The following ERC2 variants were observed in gnomAD, a reference collection of about 807,000 sequenced individuals.
ERC2 encodes the protein ERC protein 2.
In ERC2, 42 loss-of-function variants were observed where a neutral mutation model predicts 114.8. The ratio of observed to expected loss-of-function variants is 0.37; its 90% CI spans 0.29 to 0.47. The LOEUF (loss-of-function observed/expected upper bound fraction) is 0.47, where lower values mean the gene tolerates loss of function less well. Among genes scored for constraint, ERC2 ranks in the 20% least tolerant of loss-of-function variants. The pLI is 0.99. For synonymous variants in ERC2, 454 were observed against 425.5 expected (o/e 1.07, Z -0.82); for missense variants, 939 against 1,150.7 (o/e 0.82, Z 2.66).
intron 12 of ERC2, among the ~76,000 whole-genome samples, chr3:55,952,177 ACACTCT>A (rs1467287155): frequency 0.011 from 416 of 38,666 alleles, 11 homozygotes; most frequent in Non-Finnish European, 0.018. Context: ...ACACACACAC[ACACTCT>A]CTCTCTCTCT....
At chr3:55,541,433 G>T (rs572285083) in intron 17 of ERC2, among the ~76,000 whole-genome samples, 7 of 152,170 alleles carry the variant, frequency 4.6e-5, no homozygotes, top group African/African-American at 7.2e-5. Context: ...TTTAGACCCC[G>T]TAGCCTACAT....
intron 12 of ERC2, among the ~76,000 whole-genome samples, chr3:55,973,313 TTCTA>T (rs1219453667): frequency 1.3e-5 from 2 of 152,296 alleles, no homozygotes; most frequent in East Asian, 3.9e-4. Flanking sequence ...ACTTAGAGTT[TTCTA>T]TCTTAGATAA....
At chr3:55,591,339 C>T (rs2057870146) in intron 17 of ERC2, among the ~76,000 whole-genome samples, 1 of 151,906 alleles carries the variant, frequency 6.6e-6, no homozygotes, top group Non-Finnish European at 1.5e-5. Context: ...TTTGTGGGAC[C>T]CAGCACTGTG....
chr3:56,463,933 A>G (rs55783589), intron 1 of ERC2, among the ~76,000 whole-genome samples: 52,116 of 152,122 alleles, frequency 0.34, 9,133 homozygotes, highest in Middle Eastern at 0.43. Flanking sequence ...CTTGGAACAC[A>G]GTAGGTTCTA....
intron 15 of ERC2, among the ~76,000 whole-genome samples, chr3:55,723,711 T>A (rs2064729131): frequency 6.6e-6 from 1 of 152,204 alleles, no homozygotes; most frequent in African/African-American, 2.4e-5. Flanking sequence ...ATCCTGATAC[T>A]ATTATTTGAA....
At chr3:55,776,109 T>C (rs1052045033) in intron 14 of ERC2, among the ~76,000 whole-genome samples, 20 of 152,194 alleles carry the variant, frequency 1.3e-4, no homozygotes, top group Admixed American at 2.0e-4. Flanking sequence ...CACATACTTT[T>C]TTTTTTCTTT....
chr3:55,609,474 G>A (rs1196746446), intron 17 of ERC2, among the ~76,000 whole-genome samples: 2 of 152,282 alleles, frequency 1.3e-5, no homozygotes, highest in African/African-American at 4.8e-5. Flanking sequence ...TGGAAGTTAA[G>A]CAGCCATCAT....
In ERC2 at chr3:56,463,937, G is replaced by A. The variant is rs576493658; in HGVS notation, c.-141+4311C>T. 1.4e-3 allele frequency among the ~76,000 whole-genome samples: 212 copies of A among 152,182 alleles called. 3 individuals carry two copies. Among genetic ancestry groups the A allele is most frequent in the Non-Finnish European group, 2.3e-3 (159 of 68,030 alleles). Reference sequence around the variant, plus strand: ...GAACATTGTCTCTTGGAACACAGTAGGTTCTAATAAATAGTGCCTTAATAA... The same window carrying A: ...GAACATTGTCTCTTGGAACACAGTAAGTTCTAATAAATAGTGCCTTAATAA... On this transcript the variant is annotated intron_variant, in intron 1 of 17. Transcript: ENST00000288221.
At chr3:55,584,174 T>C (rs2057472802) in intron 17 of ERC2, among the ~76,000 whole-genome samples, 2 of 152,284 alleles carry the variant, frequency 1.3e-5, no homozygotes, top group South Asian at 4.1e-4. Context: ...GGGAAGCCTA[T>C]TGGTGAAGAG....
At chr3:56,036,294 G>A (rs1009814134) in intron 7 of ERC2, among the ~76,000 whole-genome samples, 1 of 152,134 alleles carries the variant, frequency 6.6e-6, no homozygotes, top group Admixed American at 6.5e-5. Flanking sequence ...TAAGATCAGG[G>A]ACACGACAAG....
At chr3:55,843,228 G>A (rs1241832143) in intron 14 of ERC2, among the ~76,000 whole-genome samples, 4 of 152,140 alleles carry the variant, frequency 2.6e-5, no homozygotes, top group Non-Finnish European at 5.9e-5. Flanking sequence ...CTCATGGTTG[G>A]AGCACAGACT....
chr3:55,868,496 CA>C (rs1168516807), intron 14 of ERC2, among the ~76,000 whole-genome samples: 1 of 152,206 alleles, frequency 6.6e-6, no homozygotes, highest in Non-Finnish European at 1.5e-5. Flanking sequence ...AGAAAAAGAA[CA>C]AAGACATCTC....
At chr3:56,070,182 A>G (rs142053603) in intron 7 of ERC2, among the ~76,000 whole-genome samples, 23 of 152,352 alleles carry the variant, frequency 1.5e-4, no homozygotes, top group Non-Finnish European at 3.4e-4. Context: ...AAGATAAGTA[A>G]AAAAAGACAG....
chr3:55,900,747 T>G (rs2064090818), intron 13 of ERC2, among the ~76,000 whole-genome samples: 1 of 152,146 alleles, frequency 6.6e-6, no homozygotes, highest in Non-Finnish European at 1.5e-5. Context: ...TGGCACAGCC[T>G]CTTCTCAAAC....
intron 3 of ERC2, among the ~76,000 whole-genome samples, chr3:56,245,591 CTT>C (rs1221697052): frequency 6.6e-6 from 1 of 151,510 alleles, no homozygotes; most frequent in African/African-American, 2.4e-5. Context: ...GAGACAGAGT[CTT>C]GCTCTGTCAC....
chr3:55,961,044 C>T (rs113424307), intron 12 of ERC2, among the ~76,000 whole-genome samples: 19 of 152,366 alleles, frequency 1.2e-4, no homozygotes, highest in African/African-American at 4.6e-4. Context: ...TGAGCTACTC[C>T]GCTGGGGCGG....
chr3:55,969,683 A>T (rs902977822), intron 12 of ERC2, among the ~76,000 whole-genome samples: 2 of 152,192 alleles, frequency 1.3e-5, no homozygotes, highest in Non-Finnish European at 2.9e-5. Flanking sequence ...GATCAGGTGA[A>T]TTGCTTCTTC....
intron 15 of ERC2, among the ~76,000 whole-genome samples, chr3:55,702,537 T>C (rs1157532996): frequency 6.7e-6 from 1 of 149,192 alleles, no homozygotes; most frequent in African/African-American, 2.6e-5. Flanking sequence ...GGATCTCTTT[T>C]AAATTTTTTT....
intron 17 of ERC2, among the ~76,000 whole-genome samples, chr3:55,529,719 C>T (rs890791978): frequency 3.9e-5 from 6 of 152,178 alleles, no homozygotes; most frequent in Non-Finnish European, 7.4e-5. Flanking sequence ...AAACCAGAGA[C>T]GTGCTCTTCA....
Sources: gnomAD v4.1 joint callset for allele counts (sites outside exome capture counted in the v4.1 genomes callset) on GRCh38, gnomAD v4.1.1 for gene constraint, MANE v1.5 for transcripts, NCBI Gene and HGNC (gene_info 2026-07-23, HGNC 2026-07-21) for gene names.